The following EPHB1 variants were observed in gnomAD, a reference collection of about 807,000 sequenced individuals.
EPHB1 encodes EPH receptor B1.
In EPHB1, 30 loss-of-function variants were observed where a neutral mutation model predicts 94.4. That is an observed-to-expected ratio of 0.32 (90% CI 0.24 to 0.43). EPHB1 has a LOEUF of 0.43. EPHB1 is among the 20% of genes least tolerant of loss of function. The pLI is 1.00. For missense variants in EPHB1, 1,055 were observed against 1,308.3 expected (o/e 0.81, Z 2.99); for synonymous variants, 522 against 489.1 (o/e 1.07, Z -0.89).
At chr3:134,910,219 A>C (rs919590791) in intron 1 of EPHB1, among the ~76,000 whole-genome samples, 2 of 152,134 alleles carry the variant, frequency 1.3e-5, no homozygotes, top group African/African-American at 2.4e-5. Flanking sequence ...GGGAGGTTTG[A>C]GGCCCAGGAC....
At chr3:135,224,500 GT>G (rs1943348894) in intron 12 of EPHB1, among the ~76,000 whole-genome samples, 1 of 152,046 alleles carries the variant, frequency 6.6e-6, no homozygotes, top group African/African-American at 2.4e-5. Context: ...TGATCACCTG[GT>G]CAAGGTTTTG....
At chr3:134,974,535 C>T (rs1441546780) in intron 3 of EPHB1, among the ~76,000 whole-genome samples, 3 of 152,158 alleles carry the variant, frequency 2.0e-5, no homozygotes, top group Non-Finnish European at 4.4e-5. Flanking sequence ...TTATTTTCCA[C>T]CTTGCATGCA....
intron 12 of EPHB1, among the ~76,000 whole-genome samples, chr3:135,215,316 T>A (rs1962011): frequency 0.24 from 35,740 of 151,784 alleles, 4,607 homozygotes; most frequent in Non-Finnish European, 0.29. Flanking sequence ...GGCATGCGCC[T>A]CCATACCCAG....
At chr3:135,032,903 C>G (rs1395301736) in intron 3 of EPHB1, among the ~76,000 whole-genome samples, 1 of 152,204 alleles carries the variant, frequency 6.6e-6, no homozygotes, top group Non-Finnish European at 1.5e-5. Flanking sequence ...GTCTACTCCT[C>G]TCTTCAAAAA....
intron 1 of EPHB1, among the ~76,000 whole-genome samples, chr3:134,824,249 A>G (rs2036435355): frequency 6.8e-6 from 1 of 147,316 alleles, no homozygotes; most frequent in Admixed American, 7.0e-5. Context: ...CAGGGTGGAG[A>G]TGACAATGAG....
At chr3:135,203,167 A>G (rs1942802606) in intron 12 of EPHB1, among the ~76,000 whole-genome samples, 1 of 152,226 alleles carries the variant, frequency 6.6e-6, no homozygotes, top group Non-Finnish European at 1.5e-5. Flanking sequence ...GAGTCGAACA[A>G]TGAGAACACA....
At chr3:135,174,586 A>G (rs1230242834) in intron 9 of EPHB1, among the ~76,000 whole-genome samples, 3 of 152,204 alleles carry the variant, frequency 2.0e-5, no homozygotes, top group African/African-American at 7.2e-5. Context: ...TTAATTGCCT[A>G]AAGAAACTTG....
chr3:134,825,666 AAGGGAAT>A (rs2036463237), intron 1 of EPHB1, among the ~76,000 whole-genome samples: 1 of 152,112 alleles, frequency 6.6e-6, no homozygotes, highest in South Asian at 2.1e-4. Flanking sequence ...TCAAGAAGGA[AAGGGAAT>A]AGGTTTGGTG....
intron 4 of EPHB1, among the ~76,000 whole-genome samples, chr3:135,110,437 C>T (rs1406215671): frequency 6.6e-6 from 1 of 152,144 alleles, no homozygotes; most frequent in Non-Finnish European, 1.5e-5. Flanking sequence ...TCCTGACTGC[C>T]ACTGAGAGGC....
chr3:134,947,422 A>T (rs916212490), intron 2 of EPHB1, among the ~76,000 whole-genome samples: 6 of 152,224 alleles, frequency 3.9e-5, no homozygotes. Context: ...TTTCACTGAC[A>T]GAAGAATGAA....
intron 3 of EPHB1, among the ~76,000 whole-genome samples, chr3:134,997,853 A>G (rs1935044546): frequency 6.6e-6 from 1 of 152,176 alleles, no homozygotes; most frequent in African/African-American, 2.4e-5. Context: ...CACACAGTAG[A>G]ATGGTGTTCC....
At chr3:135,143,709 G>A (rs530688280) in intron 5 of EPHB1, among the ~76,000 whole-genome samples, 1 of 152,304 alleles carries the variant, frequency 6.6e-6, no homozygotes, top group Admixed American at 6.5e-5. Flanking sequence ...AGTACCAATG[G>A]TTGTGTCCTC....
chr3:135,189,103 T>C (rs1376377793), intron 10 of EPHB1, among the ~76,000 whole-genome samples: 4 of 152,242 alleles, frequency 2.6e-5, no homozygotes, highest in Non-Finnish European at 5.9e-5. Flanking sequence ...AAATAACGTT[T>C]CCCAATTAGG....
At chr3:135,207,996 G>A (rs184345134) in intron 12 of EPHB1, among the ~76,000 whole-genome samples, 160 of 152,204 alleles carry the variant, frequency 1.1e-3, no homozygotes, top group Admixed American at 1.1e-3. Flanking sequence ...CACCCAATTG[G>A]GGATTATTAG....
At chr3:134,975,761 TAGAA>T (rs1394846240) in intron 3 of EPHB1, among the ~76,000 whole-genome samples, 1 of 117,334 alleles carries the variant, frequency 8.5e-6, no homozygotes, top group Non-Finnish European at 1.7e-5. Context: ...GATAGAATAA[TAGAA>T]AGATTTAAGA....
At chr3:135,184,840 A>G (rs1942288842) in intron 10 of EPHB1, among the ~76,000 whole-genome samples, 1 of 152,234 alleles carries the variant, frequency 6.6e-6, no homozygotes, top group Non-Finnish European at 1.5e-5. Flanking sequence ...TATTGTTACC[A>G]TGAGTCTGAC....
In EPHB1 at chr3:134,968,994, T is replaced by A. The variant is rs1933867863; in HGVS notation, c.805+16942T>A. ...GTGTGGATTGTTTCCAATTTTTGAT[T>A]ATAAATAGAGGACATACATTTTCAT... On this transcript the variant is annotated intron_variant, in intron 3 of 15. Transcript: ENST00000398015. Among the ~76,000 whole-genome samples the A allele has an allele frequency of 2.0e-5, 3 of 152,230 alleles. No homozygotes were observed. The South Asian group carries it at 6.2e-4, about 32-fold the overall frequency.
At chr3:134,893,016 C>G (rs561572983) in intron 1 of EPHB1, among the ~76,000 whole-genome samples, 126 of 152,258 alleles carry the variant, frequency 8.3e-4, no homozygotes, top group African/African-American at 2.9e-3. Flanking sequence ...GGTATCAGCC[C>G]TCTGCATCTT....
At chr3:135,151,137 T>C (rs1028284720) in intron 5 of EPHB1, among the ~76,000 whole-genome samples, 31 of 152,378 alleles carry the variant, frequency 2.0e-4, no homozygotes, top group Middle Eastern at 3.4e-3. Flanking sequence ...ATTGGCTTCC[T>C]GCTTTTACAT....
Sources: gnomAD v4.1 joint callset for allele counts (sites outside exome capture counted in the v4.1 genomes callset) on GRCh38, gnomAD v4.1.1 for gene constraint, MANE v1.5 for transcripts, NCBI Gene and HGNC (gene_info 2026-07-23, HGNC 2026-07-21) for gene names.